The following MZT2A variants were observed in gnomAD, a reference collection of about 807,000 sequenced individuals.
MZT2A encodes the protein mitotic-spindle organizing protein 2A.
A neutral mutation model predicts 12.4 loss-of-function variants in MZT2A; 8 were observed. That is an observed-to-expected ratio of 0.64 (90% CI 0.38 to 1.16). The LOEUF is 1.16. MZT2A is among the 50% of genes most tolerant of loss of function. The probability of loss-of-function intolerance (pLI) is 0.01; values close to 1 mark genes in which losing one functional copy is unlikely to be tolerated. For synonymous variants in MZT2A, 88 were observed against 107.5 expected (o/e 0.82, Z 1.12); for missense variants, 181 against 223.6 (o/e 0.81, Z 1.22).
intron 3 of MZT2A, chr2:131,471,944 C>T (rs936408497): frequency 4.5e-5 from 40 of 879,228 alleles, no homozygotes; most frequent in South Asian, 6.1e-5. Flanking sequence ...TGTTGTCCTG[C>T]GTGCAGCAGG....
At chr2:131,488,310 AC>A (rs1679136549) in intron 2 of MZT2A, among the ~76,000 whole-genome samples, 1 of 151,976 alleles carries the variant, frequency 6.6e-6, no homozygotes, top group Admixed American at 6.6e-5. Flanking sequence ...ACAAGCATCG[AC>A]CCTCTGTGCT....
chr2:131,492,882 G>A (rs1350466111), upstream of MZT2A: 3 of 1,501,948 alleles, frequency 2.0e-6, no homozygotes, highest in Middle Eastern at 2.0e-4. Flanking sequence ...GCCAGAGGCC[G>A]CCACAACGCA....
intron 2 of MZT2A, among the ~76,000 whole-genome samples, chr2:131,484,968 C>T (rs1349033178): frequency 3.9e-5 from 6 of 152,322 alleles, no homozygotes; most frequent in African/African-American, 7.2e-5. Flanking sequence ...CAACCACACT[C>T]GGGCCAGAGC....
At chr2:131,481,475 G>A (rs1378209294), downstream of MZT2A, among the ~76,000 whole-genome samples, 1 of 142,368 alleles carries the variant, frequency 7.0e-6, no homozygotes, top group Admixed American at 7.2e-5. Context: ...TTGCTCTGTC[G>A]CCCGGGTTGG....
intron 2 of MZT2A, among the ~76,000 whole-genome samples, chr2:131,488,324 T>C (rs973998339): frequency 6.6e-5 from 10 of 152,210 alleles, no homozygotes; most frequent in Non-Finnish European, 1.3e-4. Context: ...TCTGTGCTTC[T>C]GGGGTTTTCT....
upstream of MZT2A, chr2:131,492,796 G>GGGCCCC: frequency 1.2e-6 from 1 of 853,306 alleles, no homozygotes; most frequent in Non-Finnish European, 1.7e-6. Context: ...GGGGTGGGGG[G>GGGCCCC]CACTAATCAA....
At chr2:131,483,450 C>T (rs1678926578), downstream of MZT2A, among the ~76,000 whole-genome samples, 1 of 152,180 alleles carries the variant, frequency 6.6e-6, no homozygotes, top group Non-Finnish European at 1.5e-5. Flanking sequence ...GTACACACAG[C>T]AACCCTGTCC....
downstream of MZT2A, chr2:131,480,642 A>G (rs192337228): frequency 2.5e-6 from 4 of 1,613,806 alleles, no homozygotes; most frequent in East Asian, 8.9e-5. Flanking sequence ...GGCCTGCTGC[A>G]TGTTGTACAG....
At chr2:131,475,620 C>T (rs1405336111) in intron 2 of MZT2A, among the ~76,000 whole-genome samples, 6 of 152,130 alleles carry the variant, frequency 3.9e-5, no homozygotes, top group Non-Finnish European at 5.9e-5. Context: ...CGTTAGCCAT[C>T]GCGCCCGGCC....
intron 2 of MZT2A, among the ~76,000 whole-genome samples, chr2:131,474,417 T>C (rs1391260610): frequency 2.8e-5 from 4 of 145,170 alleles, no homozygotes; most frequent in Non-Finnish European, 6.0e-5. Flanking sequence ...TTTTTTTTTT[T>C]TTTTTTTTTT....
intron 2 of MZT2A, chr2:131,476,314 A>T (rs1678665121): frequency 6.3e-7 from 1 of 1,579,252 alleles, no homozygotes; most frequent in Non-Finnish European, 8.6e-7. Context: ...CCAGAGAAGG[A>T]CGCAGGGTCT....
chr2:131,484,201 C>T lies in MZT2A; in HGVS notation c.337G>A (p.Ala113Thr), dbSNP rs370852677. 8.9e-5 allele frequency: 143 copies of T among 1,613,920 alleles called. No individual in the cohort carries two copies. The highest frequency in any genetic ancestry group is 1.5e-4 in the African/African-American group (11 of 74,938). ...PETRGRDKGS[A>T]ALGGVLALAE... is the part of the protein sequence containing the mutation. ...AGGGCCAATACTCCCCCGAGGGCAG[C>T]GCTGCCTTTGTCTCTCCCTAAGGAG... The change falls in exon 3 of 3, where the codon GCT (alanine) becomes ACT (threonine). Residue 113 changes from alanine (A) to threonine (T), a missense_variant. Ala to Thr is a moderately conservative substitution (Grantham distance 58). Around this residue, in one of 3 missense-constraint regions of MZT2A, gnomAD observed 72 missense variants for 76.9 expected, o/e 0.94. Transcript: ENST00000309451.
upstream of MZT2A, chr2:131,492,796 G>GGGGGGGGC: frequency 1.2e-6 from 1 of 853,302 alleles, no homozygotes; most frequent in Non-Finnish European, 1.7e-6. Context: ...GGGGTGGGGG[G>GGGGGGGGC]CACTAATCAA....
upstream of MZT2A, chr2:131,492,929 C>G: frequency 6.6e-7 from 1 of 1,523,256 alleles, no homozygotes; most frequent in Non-Finnish European, 8.8e-7. Context: ...TCCCCCCGCA[C>G]TCCTGCCTCG....
intron 2 of MZT2A, chr2:131,490,076 T>C: frequency 3.6e-6 from 3 of 839,190 alleles, no homozygotes; most frequent in Non-Finnish European, 4.3e-6. Flanking sequence ...CACCCTCTCT[T>C]GGGCCTGAGC....
At chr2:131,472,265 T>C (rs1705004126) in intron 2 of MZT2A, 7 of 1,145,068 alleles carry the variant, frequency 6.1e-6, no homozygotes, top group South Asian at 4.2e-5. Flanking sequence ...AGCTGACTTA[T>C]TGAAATGATT....
chr2:131,493,192 C>T, upstream of MZT2A: 2 of 1,398,140 alleles, frequency 1.4e-6, no homozygotes, highest in Non-Finnish European at 1.9e-6. Flanking sequence ...TGGGGGCTTC[C>T]GCGAGCCCCT....
Position 131,478,127 on chromosome 2 carries a change from G to A in MZT2A, c.279-5945C>T, listed in dbSNP as rs547963721. 1.9e-5 allele frequency: 30 copies of A among 1,594,862 alleles called. No homozygotes were observed. In the South Asian group the frequency reaches 3.1e-4, roughly 17 times the overall value. ...ATGCCATATAGTTTCAAGTTGCCTT[G>A]AAATGAATGGGTTCACTTTTATGTT... On this transcript the variant is annotated intron_variant and NMD_transcript_variant, in intron 2 of 4. Coordinates refer to the MZT2A transcript ENST00000427024.
chr2:131,486,432 A>C (rs1271392121), intron 2 of MZT2A: 3 of 160,498 alleles, frequency 1.9e-5, no homozygotes, highest in African/African-American at 7.3e-5. Context: ...TTAGGTGCCC[A>C]TGCGCTCTCA....
Sources: allele counts gnomAD v4.1 joint callset (sites outside exome capture counted in the v4.1 genomes callset), GRCh38; gene constraint gnomAD v4.1.1; regional missense constraint gnomAD v4.1.1; transcripts MANE v1.5; gene names NCBI Gene and HGNC (gene_info 2026-07-23, HGNC 2026-07-21).